UGT1A6: variants seen among roughly 807,000 people sequenced by gnomAD.
The protein encoded by UGT1A6 is UDP-glucuronosyltransferase 1A6.
UGT1A6 carries 32 observed loss-of-function variants against 44.4 expected under a neutral mutation model. That is an observed-to-expected ratio of 0.72 (90% CI 0.54 to 0.97). The LOEUF is 0.97. Ranked by LOEUF, UGT1A6 falls within the 50% of genes least tolerant of loss-of-function variation. The pLI is 0.00. For synonymous variants in UGT1A6, 238 were observed against 248.5 expected, an observed-to-expected ratio of 0.96 and a Z score of 0.40; for missense variants, 685 against 661.9, an observed-to-expected ratio of 1.03 and a Z score of -0.38.
intron 1 of UGT1A6, among the ~76,000 whole-genome samples, chr2:233,707,570 G>A (rs1253760996): frequency 6.9e-6 from 1 of 143,972 alleles, no homozygotes; most frequent in Admixed American, 7.0e-5. Context: ...CCTTATGTTT[G>A]AGAGATTCAT....
chr2:233,760,282 G>A (rs2125981806), intron 1 of UGT1A6: 1 of 1,612,868 alleles, frequency 6.2e-7, no homozygotes, highest in Non-Finnish European at 8.5e-7. Flanking sequence ...CAGGAGCAAA[G>A]GCGCCATGGC....
chr2:233,760,219 C>T (rs2125980617), intron 1 of UGT1A6: 1 of 1,593,340 alleles, frequency 6.3e-7, no homozygotes, highest in Non-Finnish European at 8.5e-7. Flanking sequence ...CTTGGTGTAT[C>T]GATTGGTTTT....
chr2:233,765,491 C>T (rs1438228783), intron 1 of UGT1A6, among the ~76,000 whole-genome samples: 1 of 152,094 alleles, frequency 6.6e-6, no homozygotes, highest in African/African-American at 2.4e-5. Flanking sequence ...TCATCCTCCA[C>T]AAACTAACAC....
Position 233,765,281 on chromosome 2 carries a change from A to G in UGT1A6, c.862-1753A>G, listed in dbSNP as rs552450239. On this transcript the variant is annotated intron_variant, in intron 1 of 4. Transcript: ENST00000305139. Reference sequence around the variant, plus strand: ...GTATATACCCAAAGAAATATAAATTATTCTACTATAAAGACACATGCACAT... The same window carrying G: ...GTATATACCCAAAGAAATATAAATTGTTCTACTATAAAGACACATGCACAT... Among the ~76,000 whole-genome samples, 6 of 152,338 alleles carry G rather than the reference A, an allele frequency of 3.9e-5. No homozygotes were observed. The East Asian group carries it at 1.2e-3, about 29-fold the overall frequency.
At chr2:233,754,864 C>T (rs1448859484) in intron 1 of UGT1A6, 1 of 1,352,042 alleles carries the variant, frequency 7.4e-7, no homozygotes, top group South Asian at 1.1e-5. Context: ...GGTGCAGACC[C>T]TCTGCTTCTG....
At position 233,693,092 on chromosome 2, in the gene UGT1A6, C is replaced by G. The variant is rs1334176855; in HGVS notation, c.88C>G (p.Leu30Val). 1.9e-6 allele frequency: 3 copies of G among 1,614,128 alleles called. No individual in the cohort carries two copies. The highest frequency in any genetic ancestry group is 1.1e-5 in the South Asian group (1 of 91,072). The stretch of plus-strand genomic sequence containing the variant: ...GGGCATGGTTGTAGGTGACAAGCTG[C>G]TGGTGGTCCCTCAGGACGGAAGCCA... ...LWGMVVGDKL[L>V]VVPQDGSHWL... The change falls in exon 1 of 5, where the codon CTG becomes GTG. Residue 30 changes from leucine (L) to valine (V), a missense_variant. By Grantham distance (32) the Leu-to-Val change is conservative (BLOSUM62 1). Coordinates refer to ENST00000305139, the MANE Select transcript of UGT1A6 (RefSeq NM_001072.4).
At position 233,743,889 on chromosome 2, in the gene UGT1A6, C is replaced by G. The variant is rs772404116; in HGVS notation, c.862-23145C>G. 4.4e-6 allele frequency: 6 copies of G among 1,366,986 alleles called. No individual in the cohort carries two copies. In the Admixed American group the frequency reaches 9.5e-5, roughly 22 times the overall value. The allele number at this position is 1,366,986 out of a possible 1,614,324, so 84.7% of individuals were successfully genotyped here. A position where few individuals can be genotyped will look rare whatever the true frequency, so the allele number is the denominator to read the frequency against. ...GCCTCGGATGAGGCCTGCCGGGGCA[C>G]GTCCAGCACCTCGTAGTAGTCCACC... On this transcript the variant is annotated intron_variant, in intron 1 of 4. Coordinates refer to ENST00000305139, the MANE Select transcript of UGT1A6 (RefSeq NM_001072.4).
chr2:233,752,937 C>A (rs1656534777), intron 1 of UGT1A6, among the ~76,000 whole-genome samples: 1 of 152,230 alleles, frequency 6.6e-6, no homozygotes, highest in African/African-American at 2.4e-5. Flanking sequence ...CCACTCTTTG[C>A]TGACCACTGA....
At chr2:233,730,691 A>C (rs2078062860) in intron 1 of UGT1A6, among the ~76,000 whole-genome samples, 1 of 152,096 alleles carries the variant, frequency 6.6e-6, no homozygotes, top group Admixed American at 6.5e-5. Flanking sequence ...ATCTCAAATG[A>C]TTCTTCTACT....
intron 1 of UGT1A6, chr2:233,760,508 A>T (rs983416663): frequency 5.0e-6 from 8 of 1,614,272 alleles, no homozygotes; most frequent in Non-Finnish European, 6.8e-6. Flanking sequence ...GGAGCATTTT[A>T]CACCTTGAAG....
At position 233,713,774 on chromosome 2, in the gene UGT1A6, T is replaced by C. The variant is rs17862869; in HGVS notation, c.861+19909T>C. 0.09 allele frequency: 142,447 copies of C among 1,583,730 alleles called. 8,619 individuals carry two copies. The highest frequency in any genetic ancestry group is 0.18 in the South Asian group (15,805 of 87,196). Reference sequence around the variant, plus strand: ...CTGTGTGGCTGTTCCGAGGGGACTTTGTGATGGATTACCCCAGGCCGATCA... The same window carrying C: ...CTGTGTGGCTGTTCCGAGGGGACTTCGTGATGGATTACCCCAGGCCGATCA... On this transcript the variant is annotated intron_variant, in intron 1 of 4. Coordinates refer to ENST00000305139, the MANE Select transcript of UGT1A6 (RefSeq NM_001072.4).
At chr2:233,746,247 A>C (rs939163155) in intron 1 of UGT1A6, among the ~76,000 whole-genome samples, 2 of 151,776 alleles carry the variant, frequency 1.3e-5, no homozygotes, top group Admixed American at 6.6e-5. Flanking sequence ...AAAAGATACA[A>C]GGCAGAACAG....
chr2:233,704,256 C>T (rs1366792862), intron 1 of UGT1A6, among the ~76,000 whole-genome samples: 14 of 123,650 alleles, frequency 1.1e-4, no homozygotes, highest in South Asian at 2.6e-4. Context: ...GCCTTTATTG[C>T]TTTTTTTTTT....
intron 1 of UGT1A6, among the ~76,000 whole-genome samples, chr2:233,752,133 G>T (rs1347949695): frequency 6.6e-6 from 1 of 152,170 alleles, no homozygotes; most frequent in African/African-American, 2.4e-5. Context: ...TGGACAGAAA[G>T]GATCATTCCC....
intron 1 of UGT1A6, chr2:233,742,922 C>G (rs1038154831): frequency 2.7e-5 from 5 of 188,274 alleles, no homozygotes; most frequent in African/African-American, 1.2e-4. Context: ...AAGTGCTGAA[C>G]TGAACATTCT....
intron 1 of UGT1A6, among the ~76,000 whole-genome samples, chr2:233,752,110 GAGA>G (rs1201520833): frequency 1.3e-5 from 2 of 152,210 alleles, no homozygotes; most frequent in East Asian, 1.9e-4. Flanking sequence ...AGAATCAGAG[GAGA>G]AGAAGATGAT....
At chr2:233,732,867 G>A (rs368077438) in intron 1 of UGT1A6, among the ~76,000 whole-genome samples, 9 of 150,836 alleles carry the variant, frequency 6.0e-5, no homozygotes, top group South Asian at 4.2e-4. Context: ...GTAGCTTGAT[G>A]GGTTTGGCAT....
Position 233,720,957 on chromosome 2 carries a change from C to T in UGT1A6, c.861+27092C>T, listed in dbSNP as rs1032077883. 4.6e-5 allele frequency among the ~76,000 whole-genome samples: 7 copies of T among 151,348 alleles called. No homozygotes were observed. In the East Asian group the frequency reaches 5.8e-4, roughly 13 times the overall value. On this transcript the variant is annotated intron_variant, in intron 1 of 4. Transcript: ENST00000305139. ...AACTCCTGACCTCATGTGATCTGCC[C>T]GCCTCGGCCTCCCAAAGTGCTGGGA...
rs28900395 is a variant in UGT1A6 at position 233,758,981 on chromosome 2, G to A, written c.862-8053G>A. ...CAAATGCCTTTCCCCTGGATCTTGGGCCAGTGGAATGAGTACAATTTAACT... is the reference window on the plus strand; with the variant it reads ...CAAATGCCTTTCCCCTGGATCTTGGACCAGTGGAATGAGTACAATTTAACT... On this transcript the variant is annotated intron_variant, in intron 1 of 4. Transcript: ENST00000305139. 1.8e-4 allele frequency among the ~76,000 whole-genome samples: 28 copies of A among 152,260 alleles called. No homozygotes were observed. The East Asian group carries it at 5.2e-3, about 28-fold the overall frequency.
Sources: gnomAD v4.1 joint callset for allele counts (sites outside exome capture counted in the v4.1 genomes callset) on GRCh38, gnomAD v4.1.1 for gene constraint, MANE v1.5 for transcripts, NCBI Gene and HGNC (gene_info 2026-07-23, HGNC 2026-07-21) for gene names.